Variants in PDE1C observed in about 807,000 individuals in gnomAD.
PDE1C encodes the protein dual specificity calcium/calmodulin-dependent 3',5'-cyclic nucleotide phosphodiesterase 1C.
In PDE1C, 62 loss-of-function variants were observed where a neutral mutation model predicts 93.1. That is an observed-to-expected ratio of 0.67 (90% CI 0.54 to 0.82). The LOEUF is 0.82. Ranked by LOEUF, PDE1C falls within the 40% of genes least tolerant of loss-of-function variation. The pLI is 0.00. For synonymous variants in PDE1C, 325 were observed against 310.1 expected (o/e 1.05, Z -0.50); for missense variants, 742 against 884.6 (o/e 0.84, Z 2.04).
intron 1 of PDE1C, among the ~76,000 whole-genome samples, chr7:32,257,281 C>T (rs929083652): frequency 1.3e-5 from 2 of 152,186 alleles, no homozygotes; most frequent in African/African-American, 4.8e-5. Flanking sequence ...CCAAAAATTG[C>T]CCTGGCTTCC....
chr7:32,153,813 G>T (rs1801403687), intron 3 of PDE1C, among the ~76,000 whole-genome samples: 1 of 152,170 alleles, frequency 6.6e-6, no homozygotes, highest in African/African-American at 2.4e-5. Flanking sequence ...TTAGAATAGG[G>T]AAATGATTTT....
chr7:32,027,592 A>AC lies in PDE1C; in HGVS notation c.128+23961_128+23962insG, dbSNP rs1789617538. Among the ~76,000 whole-genome samples the AC allele has an allele frequency of 3.5e-5, 5 of 141,258 alleles. No homozygotes were observed. The South Asian group carries it at 1.2e-3, about 34-fold the overall frequency. 92.7% of individuals were successfully genotyped at this position (141,258 alleles called of 152,430 possible). On this transcript the variant is annotated intron_variant, in intron 2 of 17. Transcript: ENST00000396191. ...TCTTTGCAAAGGCAGAAAAAAAAAA[A>AC]ACTATCAAAAATGGTAAAAAAAAAA...
chr7:31,652,551 C>T, the PDE1C span: 1 of 1,608,040 alleles, frequency 6.2e-7, no homozygotes, highest in African/African-American at 1.3e-5. Context: ...GCCACCTGAA[C>T]ACTATTCAAA....
At chr7:32,354,212 T>A (rs971655218) in intron 1 of PDE1C, among the ~76,000 whole-genome samples, 3 of 152,190 alleles carry the variant, frequency 2.0e-5, no homozygotes. Context: ...TGAGCTTTGA[T>A]GAATATAGAT....
At chr7:31,805,844 C>T (rs1037305691) in intron 16 of PDE1C, among the ~76,000 whole-genome samples, 12 of 152,012 alleles carry the variant, frequency 7.9e-5, no homozygotes, top group African/African-American at 2.9e-4. Context: ...CCTCTCAAGG[C>T]AGTAAGCTGA....
chr7:32,139,603 T>A (rs1453854590), intron 3 of PDE1C, among the ~76,000 whole-genome samples: 14 of 152,032 alleles, frequency 9.2e-5, no homozygotes, highest in Admixed American at 9.2e-4. Flanking sequence ...CCAGGTAAAG[T>A]GTAATCATTG....
chr7:32,226,065 A>G (rs1263285955), intron 1 of PDE1C, among the ~76,000 whole-genome samples: 1 of 152,062 alleles, frequency 6.6e-6, no homozygotes, highest in Non-Finnish European at 1.5e-5. Context: ...CTCAAAAAGA[A>G]AAAAAAAGGA....
rs1220598935 is a variant in PDE1C at position 32,269,446 on chromosome 7, G to C, written c.85+29205C>G. 2.6e-5 allele frequency among the ~76,000 whole-genome samples: 3 copies of C among 116,476 alleles called. No individual in the cohort carries two copies. In the East Asian group the frequency reaches 7.1e-4, roughly 28 times the overall value. The allele number at this position is 116,476 out of a possible 152,430, so 76.4% of individuals were successfully genotyped here. On this transcript the variant is annotated intron_variant, in intron 1 of 18. Coordinates refer to the PDE1C transcript ENST00000396193. ...CAGGGAGTGTAGGATATATTTTTTT[G>C]ATGTTTTTGTTTTGTTTTGTTTCGT...
intron 3 of PDE1C, among the ~76,000 whole-genome samples, chr7:32,118,502 T>C (rs548015450): frequency 2.6e-5 from 4 of 152,344 alleles, no homozygotes; most frequent in Non-Finnish European, 4.4e-5. Flanking sequence ...CCTTATCTTA[T>C]AGTCTTGTTC....
chr7:32,249,342 G>A (rs1273882340), intron 1 of PDE1C, among the ~76,000 whole-genome samples: 5 of 151,780 alleles, frequency 3.3e-5, no homozygotes, highest in African/African-American at 7.3e-5. Context: ...GGTGGTAAAC[G>A]CAAGCAGAAG....
intron 1 of PDE1C, among the ~76,000 whole-genome samples, chr7:32,297,992 TCTCTCCTCTCTCTCTCTCTCTCTC>T (rs1812706181): frequency 2.3e-5 from 1 of 42,636 alleles, no homozygotes; most frequent in African/African-American, 9.0e-5. Flanking sequence ...TCTCTCTCTC[TCTCTCCTCTCTCTCTCTCTCTCTC>T]CCTCTCTCTC....
chr7:32,173,959 C>T (rs1802817600), intron 2 of PDE1C, among the ~76,000 whole-genome samples: 1 of 152,132 alleles, frequency 6.6e-6, no homozygotes. Flanking sequence ...ATCCAAACTG[C>T]TTGTGTCTAT....
rs188134113 is a variant in PDE1C at position 32,307,180 on chromosome 7, T to C, written c.311-97641A>G. On this transcript the variant is annotated intron_variant, in intron 1 of 1. Coordinates refer to the PDE1C transcript ENST00000672256. The stretch of plus-strand genomic sequence containing the variant: ...GTGACCTAACACCACAATAAAGATT[T>C]TTTTTTTCTTGCTCATTACGAAGCC... Among the ~76,000 whole-genome samples, 789 of 152,288 alleles carry C rather than the reference T, an allele frequency of 5.2e-3. 14 individuals carry two copies. The highest frequency in any genetic ancestry group is 0.051 in the Middle Eastern group (15 of 294).
At chr7:32,268,774 T>C (rs866699811) in intron 1 of PDE1C, among the ~76,000 whole-genome samples, 2 of 152,214 alleles carry the variant, frequency 1.3e-5, no homozygotes, top group African/African-American at 4.8e-5. Context: ...AAAATATGCC[T>C]CTTTTCACTA....
intron 1 of PDE1C, among the ~76,000 whole-genome samples, chr7:32,297,401 A>T (rs1175991272): frequency 6.6e-6 from 1 of 152,106 alleles, no homozygotes; most frequent in African/African-American, 2.4e-5. Flanking sequence ...GTACTTGAGT[A>T]CTTCCAAAAG....
intron 1 of PDE1C, among the ~76,000 whole-genome samples, chr7:32,425,174 A>G (rs568491150): frequency 2.6e-5 from 4 of 152,186 alleles, no homozygotes; most frequent in African/African-American, 9.6e-5. Flanking sequence ...CAAGTTTTAG[A>G]TTGCAGCATA....
chr7:31,839,687 T>C (rs773673056), intron 9 of PDE1C, among the ~76,000 whole-genome samples: 1 of 152,224 alleles, frequency 6.6e-6, no homozygotes, highest in Non-Finnish European at 1.5e-5. Context: ...TTTTCATTTA[T>C]CTGGGGTGAA....
chr7:32,269,354 T>A lies in PDE1C; in HGVS notation c.85+29297A>T, dbSNP rs528287137. Among the ~76,000 whole-genome samples the A allele has an allele frequency of 2.0e-4, 30 of 152,330 alleles. 1 individual carries two copies. The South Asian group carries it at 6.2e-3, about 32-fold the overall frequency. On this transcript the variant is annotated intron_variant, in intron 1 of 18. Transcript: ENST00000396193. ...AAACCTTGGCTAAAATAACCAGTAA[T>A]AAGTTTATACTGGAATAATGTACAC...
At chr7:32,319,091 T>A (rs1454944276) in intron 1 of PDE1C, among the ~76,000 whole-genome samples, 1 of 152,186 alleles carries the variant, frequency 6.6e-6, no homozygotes, top group Non-Finnish European at 1.5e-5. Context: ...TCCCGCGCCC[T>A]CCACGCCGTC....
Sources: gnomAD v4.1 joint callset for allele counts (sites outside exome capture counted in the v4.1 genomes callset) on GRCh38, gnomAD v4.1.1 for gene constraint, MANE v1.5 for transcripts, NCBI Gene and HGNC (gene_info 2026-07-23, HGNC 2026-07-21) for gene names.